Variants in PIGG observed in about 807,000 individuals in gnomAD.
PIGG encodes GPI ethanolamine phosphate transferase 2, catalytic subunit.
A neutral mutation model predicts 83.2 loss-of-function variants in PIGG; 70 were observed. That is an observed-to-expected ratio of 0.84 (90% CI 0.69 to 1.03). PIGG has a LOEUF of 1.03. Ranked by LOEUF, PIGG falls within the 50% of genes least tolerant of loss-of-function variation. PIGG has a pLI of 0.00. For synonymous variants in PIGG, 532 were observed against 519.5 expected (o/e 1.02, Z -0.33); for missense variants, 1,257 against 1,233.6 (o/e 1.02, Z -0.28).
At chr4:513,928 A>C (rs746884382) in intron 5 of PIGG, among the ~76,000 whole-genome samples, 3 of 152,232 alleles carry the variant, frequency 2.0e-5, no homozygotes, top group Non-Finnish European at 4.4e-5. Flanking sequence ...GTGGCATCTC[A>C]GATTAGTGCA....
At chr4:517,696 C>G (rs1724401799) in intron 6 of PIGG, among the ~76,000 whole-genome samples, 1 of 152,012 alleles carries the variant, frequency 6.6e-6, no homozygotes, top group Non-Finnish European at 1.5e-5. Context: ...GGCGAGAGCC[C>G]TAGGCAGCAG....
chr4:523,761 C>A lies in PIGG; in HGVS notation c.1917C>A (p.Ser639Arg). The A allele has an allele frequency of 6.2e-7, 1 of 1,614,058 alleles. No individual in the cohort carries two copies. The highest frequency in any genetic ancestry group is 8.5e-7 in the Non-Finnish European group (1 of 1,180,046). The part of the protein sequence containing the change: ...DVLERDKGHG[S>R]PSTSEVLRGR... ...TGGAGCGAGACAAAGGCCACGGAAG[C>A]CCCTCTACCTCCGAAGTGCTCAGAG... is the stretch of plus-strand genomic sequence containing the variant. Residue 639 changes from serine to arginine, a missense_variant, in exon 9 of 13, where the codon AGC becomes AGA. Physicochemically the swap from Ser to Arg is moderately radical, Grantham distance 110. Coordinates refer to ENST00000453061, the MANE Select transcript of PIGG (RefSeq NM_001127178.3).
chr4:517,750 C>G (rs1401558952), intron 6 of PIGG, among the ~76,000 whole-genome samples: 1 of 152,048 alleles, frequency 6.6e-6, no homozygotes, highest in Non-Finnish European at 1.5e-5. Flanking sequence ...TTGCCTGAGG[C>G]AGGTGTGGGG....
rs781714196 is a variant in PIGG at position 521,921 on chromosome 4, G to C, written c.1594G>C (p.Gly532Arg). The change falls in exon 8 of 13, where the codon GGT becomes CGT. Residue 532 changes from glycine to arginine, a missense_variant. Coordinates refer to ENST00000453061, the MANE Select transcript of PIGG (RefSeq NM_001127178.3). ...GTCTGTTCTGACCAACGTGCTCGTG[G>C]GTGGAAACACCCCAAGGAAGGTACG... is the stretch of plus-strand genomic sequence containing the variant. ...IVSVLTNVLVGGNTPRKNPMH... is the reference protein window; with the variant it reads ...IVSVLTNVLVRGNTPRKNPMH... 7.3e-5 allele frequency: 118 copies of C among 1,614,098 alleles called. 1 individual carries two copies. The East Asian group carries it at 2.5e-3, about 34-fold the overall frequency.
rs557202816 is a variant in PIGG, at chr4:499,587, C to T, written c.154+98C>T. On this transcript the variant is annotated intron_variant, in intron 1 of 12. Coordinates refer to ENST00000453061, the MANE Select transcript of PIGG (RefSeq NM_001127178.3). ...CTGCTCGGATTTCTTCTCGGCGCTC[C>T]CCGGTGGTCTCTTCCATTATGGTCC... 106 of 1,447,530 alleles carry T rather than the reference C, an allele frequency of 7.3e-5. No homozygotes were observed. In the African/African-American group the frequency reaches 1.3e-3, roughly 18 times the overall value. The allele number at this position is 1,447,530 out of a possible 1,614,324, so 89.7% of individuals were successfully genotyped here.
At position 523,804 on chromosome 4, in the gene PIGG, G is replaced by A; in HGVS notation, c.1960G>A (p.Val654Met). 1 of 1,613,444 alleles carries A rather than the reference G, an allele frequency of 6.2e-7. No individual in the cohort carries two copies. The highest frequency in any genetic ancestry group is 8.5e-7 in the Non-Finnish European group (1 of 1,179,974). The change falls in exon 9 of 13, where the codon GTG (valine) becomes ATG (methionine). Residue 654 changes from valine (V) to methionine (M), a missense_variant. Physicochemically the swap from Val to Met is conservative, Grantham distance 21. Transcript: ENST00000453061. ...GCTCAGAGGCCGCGAGAAGTGGATG[G>A]TGCTGGCCAGTCCGTGGCTAATACT... ...EVLRGREKWM[V>M]LASPWLILAC...
Position 528,792 on chromosome 4 carries a change from G to T in PIGG, c.2261+1562G>T. The T allele has an allele frequency of 1.3e-5, 12 of 916,230 alleles. No individual in the cohort carries two copies. Among genetic ancestry groups the T allele is most frequent in the Non-Finnish European group, 1.6e-5 (12 of 767,024 alleles). The allele number at this position is 916,230 out of a possible 1,614,324, so 56.8% of individuals were successfully genotyped here. ...TCTTCCCTTTCCTGGCCTGCTTCCT[G>T]CAGCATGTAATTTGCTAGTGTCCAG... On this transcript the variant is annotated intron_variant, in intron 10 of 12. Transcript: ENST00000453061. This position sits in a 1 kb window ranked among gnomAD's most constrained non-coding sequence, Gnocchi z 4.8.
chr4:500,436 C>A lies in PIGG; in HGVS notation c.195C>A (p.Phe65Leu), dbSNP rs1717239694. 6.2e-7 allele frequency: 1 copy of A among 1,613,926 alleles called. No individual in the cohort carries two copies. The highest frequency in any genetic ancestry group is 8.5e-7 in the Non-Finnish European group (1 of 1,179,942). ...SNWTTLPPPL[F>L]SKVVIVLIDA... Reference sequence around the variant, plus strand: ...GGACCACGCTGCCACCACCTCTCTTCAGTAAAGTTGTTATTGTTCTGATAG... The same window carrying A: ...GGACCACGCTGCCACCACCTCTCTTAAGTAAAGTTGTTATTGTTCTGATAG... The change falls in exon 2 of 13, where the codon TTC becomes TTA. Residue 65 changes from phenylalanine (F) to leucine (L), a missense_variant. Phe to Leu is a conservative substitution (Grantham distance 22). Transcript: ENST00000453061.
In PIGG at chr4:521,940, A is replaced by C; in HGVS notation, c.1613A>C (p.Lys538Thr). The C allele has an allele frequency of 6.2e-7, 1 of 1,614,096 alleles. No homozygotes were observed. Residue 538 changes from lysine to threonine, a missense_variant and splice_region_variant, in exon 8 of 13, where the codon AAG becomes ACG. Lys to Thr is a moderately conservative substitution (Grantham distance 78, BLOSUM62 -1). Transcript: ENST00000453061. ...CTCGTGGGTGGAAACACCCCAAGGA[A>C]GGTACGTACGGCTGGTTCCTGGGAG... is the stretch of plus-strand genomic sequence containing the variant. ...NVLVGGNTPR[K>T]NPMHPSSRWS...
In PIGG at chr4:510,960, A is replaced by T. The variant is rs113994767; in HGVS notation, c.901+1990A>T. ...GTGTGCCTGGCTTCTTTCATGTAGG[A>T]TAGTGTTTTTCCAGGTTCATAGTTA... On this transcript the variant is annotated intron_variant, in intron 5 of 12. Transcript: ENST00000453061. Among the ~76,000 whole-genome samples, 418 of 151,786 alleles carry T rather than the reference A, an allele frequency of 2.8e-3. 1 individual carries two copies. Among genetic ancestry groups the T allele is most frequent in the Non-Finnish European group, 4.3e-3 (290 of 67,944 alleles).
intron 2 of PIGG, among the ~76,000 whole-genome samples, chr4:505,435 A>G (rs1719268974): frequency 6.8e-6 from 1 of 146,062 alleles, no homozygotes; most frequent in Non-Finnish European, 1.5e-5. Flanking sequence ...CAGCCTGGGC[A>G]ACATAGCGGG....
intron 5 of PIGG, among the ~76,000 whole-genome samples, chr4:512,872 G>A (rs781877840): frequency 6.6e-6 from 1 of 152,130 alleles, no homozygotes; most frequent in Non-Finnish European, 1.5e-5. Flanking sequence ...TCTATTTGAT[G>A]AGGAAAAGAA....
In PIGG at chr4:530,496, C is replaced by T. The variant is rs1728782004; in HGVS notation, c.2322C>T (p.Thr774=). The T allele has an allele frequency of 1.2e-6, 2 of 1,613,670 alleles. No individual in the cohort carries two copies. The highest frequency in any genetic ancestry group is 1.7e-6 in the Non-Finnish European group (2 of 1,179,596). ...TCCTTGGCATTCTGTTCACGGGCACCAAAGACTTACTTAAATCTCAAGTCA... is the reference window on the plus strand; with the variant it reads ...TCCTTGGCATTCTGTTCACGGGCACTAAAGACTTACTTAAATCTCAAGTCA... ...VFVLGILFTG[T]KDLLKSQVIA... Residue 774 remains threonine (T), a synonymous_variant, in exon 11 of 13, where the codon ACC becomes ACT. Coordinates refer to ENST00000453061, the MANE Select transcript of PIGG (RefSeq NM_001127178.3).
chr4:500,037 A>G, intron 1 of PIGG: 1 of 270,596 alleles, frequency 3.7e-6, no homozygotes, highest in South Asian at 4.9e-5. Flanking sequence ...GCCGCTGACC[A>G]TGTAAACGCA....
intron 12 of PIGG, among the ~76,000 whole-genome samples, chr4:535,425 A>G (rs78421265): frequency 4.9e-3 from 520 of 105,818 alleles, no homozygotes; most frequent in African/African-American, 0.021. Context: ...GAAACCGCGC[A>G]CCGCGGCCCG....
intron 10 of PIGG, chr4:527,987 CAA>C: frequency 5.1e-6 from 5 of 985,396 alleles, no homozygotes; most frequent in Non-Finnish European, 6.0e-6. Context: ...GTGTCCTTCA[CAA>C]AGTGTCCTTG....
At chr4:514,926 C>G (rs2108874896) in intron 5 of PIGG, among the ~76,000 whole-genome samples, 1 of 152,222 alleles carries the variant, frequency 6.6e-6, no homozygotes, top group African/African-American at 2.4e-5. Context: ...TGTGTCAGCT[C>G]AAAGCACTTA....
At chr4:527,460 T>C (rs1727972367) in intron 10 of PIGG, 3 of 1,293,738 alleles carry the variant, frequency 2.3e-6, no homozygotes, top group Non-Finnish European at 2.0e-6. Flanking sequence ...GTTTTATGTG[T>C]TACTTTTAGG....
intron 4 of PIGG, 95 bp from the exon 5 acceptor site, chr4:508,734 C>CTT: frequency 9.0e-7 from 1 of 1,106,336 alleles, no homozygotes; most frequent in African/African-American, 1.6e-5. Flanking sequence ...AGCTACAACT[C>CTT]TATAAAGTAA....
Sources: allele counts gnomAD v4.1 joint callset (sites outside exome capture counted in the v4.1 genomes callset), GRCh38; gene constraint gnomAD v4.1.1; non-coding constraint Gnocchi (gnomAD v3.1); transcripts MANE v1.5; gene names NCBI Gene and HGNC (gene_info 2026-07-23, HGNC 2026-07-21).